The following LRRC3B variants were observed in gnomAD, a reference collection of about 807,000 sequenced individuals.
LRRC3B encodes leucine rich repeat containing 3B, also known as leucine-rich repeat-containing protein 3B.
A neutral mutation model predicts 12.8 loss-of-function variants in LRRC3B; 2 were observed. The ratio of observed to expected loss-of-function variants is 0.16; its 90% confidence interval spans 0.06 to 0.49. The LOEUF is 0.49. LRRC3B is among the 20% of genes least tolerant of loss of function. The probability of loss-of-function intolerance (pLI) is 0.96; values close to 1 mark genes in which losing one functional copy is unlikely to be tolerated. For synonymous variants in LRRC3B, 132 were observed against 122.0 expected (o/e 1.08, Z -0.54); for missense variants, 189 against 319.4 (o/e 0.59, Z 3.11).
chr3:26,662,418 TC>T (rs1355144273), intron 1 of LRRC3B, among the ~76,000 whole-genome samples: 1 of 152,112 alleles, frequency 6.6e-6, no homozygotes, highest in Non-Finnish European at 1.5e-5. Flanking sequence ...GCCACTCTGT[TC>T]CCTTAAAGTG....
chr3:26,708,894 C>T (rs1444442071), intron 1 of LRRC3B, among the ~76,000 whole-genome samples: 1 of 152,100 alleles, frequency 6.6e-6, no homozygotes, highest in Non-Finnish European at 1.5e-5. Flanking sequence ...AAAGCATCCT[C>T]CCAGGTATAA....
chr3:26,690,003 C>T (rs1700158555), intron 1 of LRRC3B, among the ~76,000 whole-genome samples: 1 of 152,166 alleles, frequency 6.6e-6, no homozygotes, highest in Admixed American at 6.5e-5. Flanking sequence ...GAGGAGACCC[C>T]ACCTGGTTCC....
chr3:26,689,514 T>C (rs1442880602), intron 1 of LRRC3B, among the ~76,000 whole-genome samples: 1 of 152,216 alleles, frequency 6.6e-6, no homozygotes, highest in Non-Finnish European at 1.5e-5. Context: ...TTTCATGAAT[T>C]AAATACTGTT....
intron 1 of LRRC3B, among the ~76,000 whole-genome samples, chr3:26,703,059 C>T (rs547222645): frequency 6.6e-6 from 1 of 152,172 alleles, no homozygotes; most frequent in Admixed American, 6.6e-5. Flanking sequence ...TTATTATCTC[C>T]AAACATGATC....
intron 1 of LRRC3B, among the ~76,000 whole-genome samples, chr3:26,705,736 A>T (rs1427593338): frequency 6.6e-6 from 1 of 152,080 alleles, no homozygotes; most frequent in African/African-American, 2.4e-5. Flanking sequence ...TTAGCCCTGT[A>T]TTCTGCTGGA....
intron 1 of LRRC3B, among the ~76,000 whole-genome samples, chr3:26,685,284 G>T (rs911917056): frequency 6.6e-6 from 1 of 151,536 alleles, no homozygotes; most frequent in African/African-American, 2.4e-5. Context: ...GTTTTTTGGC[G>T]GGTTTCATGT....
chr3:26,653,331 G>A (rs992470208), intron 1 of LRRC3B, among the ~76,000 whole-genome samples: 1 of 150,924 alleles, frequency 6.6e-6, no homozygotes, highest in South Asian at 2.1e-4. Flanking sequence ...GTTCCTCCAA[G>A]AAATCTAGAA....
chr3:26,625,862 A>G (rs1291941500), intron 1 of LRRC3B, among the ~76,000 whole-genome samples: 1 of 152,194 alleles, frequency 6.6e-6, no homozygotes, highest in Non-Finnish European at 1.5e-5. Flanking sequence ...AAATGGGTAG[A>G]GTTATTTATC....
In LRRC3B at chr3:26,635,457, GT is replaced by G. The variant is rs1478392487; in HGVS notation, c.-161+12222del. ...GTGGGGTCCTCAACATGAGATTAGTGTTCTTACAAGAAAAGACAACAGAAAG... is the reference window on the plus strand; with the variant it reads ...GTGGGGTCCTCAACATGAGATTAGTGTCTTACAAGAAAAGACAACAGAAAG... On this transcript the variant is annotated intron_variant, in intron 1 of 1. Transcript: ENST00000396641. 2.0e-5 allele frequency among the ~76,000 whole-genome samples: 3 copies of G among 152,158 alleles called. No individual in the cohort carries two copies. In the East Asian group the frequency reaches 5.8e-4, roughly 29 times the overall value.
chr3:26,639,506 A>AT (rs1418954874), intron 1 of LRRC3B, among the ~76,000 whole-genome samples: 3 of 122,572 alleles, frequency 2.4e-5, no homozygotes, highest in African/African-American at 1.3e-4. Context: ...TTTAAATTAA[A>AT]TTAAATTAAA....
intron 1 of LRRC3B, among the ~76,000 whole-genome samples, chr3:26,647,110 C>G (rs1330212773): frequency 1.3e-5 from 2 of 152,148 alleles, no homozygotes; most frequent in Non-Finnish European, 2.9e-5. Context: ...TGAACTTACA[C>G]TTCCTTCTAC....
At chr3:26,646,621 A>AAAC (rs1699154127) in intron 1 of LRRC3B, among the ~76,000 whole-genome samples, 2 of 137,872 alleles carry the variant, frequency 1.5e-5, no homozygotes, top group Non-Finnish European at 1.5e-5. Context: ...AAAAAAAAAA[A>AAAC]AAAAAAAAAA....
chr3:26,691,091 A>ATGTG lies in LRRC3B; in HGVS notation c.-160-18410_-160-18407dup, dbSNP rs1164705682. 2.6e-3 allele frequency among the ~76,000 whole-genome samples: 277 copies of ATGTG among 107,350 alleles called. 3 individuals carry two copies. The highest frequency in any genetic ancestry group is 9.1e-3 in the South Asian group (26 of 2,866). 70.4% of individuals were successfully genotyped at this position (107,350 alleles called of 152,430 possible). Reference sequence around the variant, plus strand: ...TATATATGTATATGTGTGTGTGTATATGTGTGTGTGTGTGTATATATATAT... The same window carrying ATGTG: ...TATATATGTATATGTGTGTGTGTATATGTGTGTGTGTGTGTGTGTATATATATAT... On this transcript the variant is annotated intron_variant, in intron 1 of 1. Coordinates refer to ENST00000396641, the Ensembl canonical transcript of LRRC3B.
intron 1 of LRRC3B, among the ~76,000 whole-genome samples, chr3:26,627,721 C>A (rs1170837390): frequency 6.6e-6 from 1 of 152,098 alleles, no homozygotes; most frequent in Non-Finnish European, 1.5e-5. Context: ...GAGAAGCATT[C>A]ATTTTCCGGA....
chr3:26,641,328 A>T (rs567469745), intron 1 of LRRC3B, among the ~76,000 whole-genome samples: 44 of 152,100 alleles, frequency 2.9e-4, no homozygotes, highest in Non-Finnish European at 5.6e-4. Flanking sequence ...ACCCAGGGGG[A>T]TGTGGAAGAG....
chr3:26,695,943 TGC>T (rs1173716015), intron 1 of LRRC3B, among the ~76,000 whole-genome samples: 1 of 152,208 alleles, frequency 6.6e-6, no homozygotes, highest in Non-Finnish European at 1.5e-5. Context: ...TTAACTTTGA[TGC>T]CAAGAACACA....
intron 1 of LRRC3B, among the ~76,000 whole-genome samples, chr3:26,658,704 A>C (rs1413066329): frequency 1.3e-5 from 2 of 152,228 alleles, no homozygotes; most frequent in African/African-American, 2.4e-5. Context: ...CAATCAGGGG[A>C]AAGTGTGATC....
At chr3:26,656,027 C>G (rs1575132455) in intron 1 of LRRC3B, among the ~76,000 whole-genome samples, 1 of 152,152 alleles carries the variant, frequency 6.6e-6, no homozygotes, top group Non-Finnish European at 1.5e-5. Context: ...TCATCTACTT[C>G]TCTATTCTGC....
intron 1 of LRRC3B, among the ~76,000 whole-genome samples, chr3:26,668,452 T>C (rs1467903842): frequency 6.6e-6 from 1 of 152,124 alleles, no homozygotes; most frequent in African/African-American, 2.4e-5. Flanking sequence ...AATGGAAATA[T>C]GCTTGCTCTG....
Sources: allele counts gnomAD v4.1 joint callset (sites outside exome capture counted in the v4.1 genomes callset), GRCh38; gene constraint gnomAD v4.1.1; transcripts MANE v1.5; gene names NCBI Gene and HGNC (gene_info 2026-07-23, HGNC 2026-07-21).